CSMD2: variants seen among roughly 807,000 people sequenced by gnomAD.
CSMD2 encodes the protein CUB and Sushi multiple domains 2.
CSMD2 carries 130 observed loss-of-function variants against 398.5 expected under a neutral mutation model. The observed-to-expected ratio is 0.33, with a 90% confidence interval of 0.28 to 0.38. The LOEUF is 0.38. Ranked by LOEUF, CSMD2 falls within the 10% of genes least tolerant of loss-of-function variation. The pLI, the probability that CSMD2 is intolerant of heterozygous loss-of-function variation, is 1.00. For synonymous variants in CSMD2, 1,828 were observed against 1,908.5 expected, an observed-to-expected ratio of 0.96 and a Z score of 1.10; for missense variants, 3,829 against 4,764.9, an observed-to-expected ratio of 0.80 and a Z score of 5.78.
intron 7 of CSMD2, among the ~76,000 whole-genome samples, chr1:33,823,899 C>T (rs980721461): frequency 5.3e-5 from 8 of 152,090 alleles, no homozygotes; most frequent in Non-Finnish European, 1.0e-4. Context: ...TCTTCTTAGT[C>T]GGCTTAATGA....
chr1:33,585,750 A>G (rs11580917), intron 46 of CSMD2, among the ~76,000 whole-genome samples: 33,343 of 152,134 alleles, frequency 0.22, 4,658 homozygotes, highest in Non-Finnish European at 0.3. Flanking sequence ...GGAAAGGCTG[A>G]CCTGTTTCCC....
rs555434531 is a variant in CSMD2 at position 34,066,203 on chromosome 1, T to C, written c.404+22774A>G. 2.0e-5 allele frequency among the ~76,000 whole-genome samples: 3 copies of C among 152,340 alleles called. No homozygotes were observed. The South Asian group carries it at 6.2e-4, about 32-fold the overall frequency. On this transcript the variant is annotated intron_variant, in intron 2 of 70. Coordinates refer to ENST00000373381, the MANE Select transcript of CSMD2 (RefSeq NM_001281956.2). ...GGATGTGTTATATGTACGAGTGTTT[T>C]TTATGCAGACACATACACACAGCAC...
chr1:33,997,667 G>A (rs1439282895), intron 3 of CSMD2, among the ~76,000 whole-genome samples: 1 of 152,146 alleles, frequency 6.6e-6, no homozygotes, highest in East Asian at 1.9e-4. Flanking sequence ...GCTCATTTGA[G>A]TAATAAAAAT....
intron 15 of CSMD2, among the ~76,000 whole-genome samples, chr1:33,735,256 C>T (rs1646848188): frequency 6.6e-6 from 1 of 152,190 alleles, no homozygotes; most frequent in Non-Finnish European, 1.5e-5. Context: ...GTGACTTAAC[C>T]TGTCTGTGTC....
Position 33,514,312 on chromosome 1 carries a change from C to CTT in CSMD2, c.*2310_*2311dup, listed in dbSNP as rs199504489. 7.1e-3 allele frequency: 1,045 copies of CTT among 146,212 alleles called. 17 individuals carry two copies. Among genetic ancestry groups the CTT allele is most frequent in the African/African-American group, 0.026 (1,009 of 39,498 alleles). 9.1% of individuals were successfully genotyped at this position (146,212 alleles called of 1,614,324 possible). ...TTTTTCTTTTTTGGTACTGTACAAA[C>CTT]TTTGTATAATAAAAATATATCTCTG... On this transcript the variant is annotated 3_prime_UTR_variant, in exon 71 of 71. Coordinates refer to ENST00000373381, the MANE Select transcript of CSMD2 (RefSeq NM_001281956.2).
rs1642802591 is a variant in CSMD2, at chr1:33,636,363, T to C, written c.4966A>G (p.Thr1656Ala). 3 of 1,603,496 alleles carry C rather than the reference T, an allele frequency of 1.9e-6. No individual in the cohort carries two copies. Among genetic ancestry groups the C allele is most frequent in the Admixed American group, 1.7e-5 (1 of 58,170 alleles). ...PVWNNPRPVC[T>A]APCGGQYVGS... ...GCCATCCCCAGGCTTCCACCACCTG[T>C]GCAGACTGGCCGGGGATTGTTCCAC... The change falls in exon 30 of 71, where the codon ACA becomes GCA. Residue 1656 changes from threonine to alanine, a missense_variant. Coordinates refer to ENST00000373381, the MANE Select transcript of CSMD2 (RefSeq NM_001281956.2). This position sits in a 1 kb window ranked among gnomAD's most constrained non-coding sequence, Gnocchi z 4.8.
At position 33,942,973 on chromosome 1, in the gene CSMD2, C is replaced by T. The variant is rs139413161; in HGVS notation, c.518-7019G>A. ...CCAACTCTGATCTTCTCACTGCTGG[C>T]CTTGCCCTCTCCAGTGCATTGTCCT... On this transcript the variant is annotated intron_variant, in intron 3 of 70. Coordinates refer to ENST00000373381, the MANE Select transcript of CSMD2 (RefSeq NM_001281956.2). Among the ~76,000 whole-genome samples the T allele has an allele frequency of 2.3e-3, 352 of 152,288 alleles. 1 individual carries two copies. The highest frequency in any genetic ancestry group is 6.7e-3 in the African/African-American group (280 of 41,556).
At position 33,541,144 on chromosome 1, in the gene CSMD2, T is replaced by C; in HGVS notation, c.9443A>G (p.Lys3148Arg). 2 of 1,614,142 alleles carry C rather than the reference T, an allele frequency of 1.2e-6. No individual in the cohort carries two copies. Among genetic ancestry groups the C allele is most frequent in the Non-Finnish European group, 1.7e-6 (2 of 1,180,018 alleles). ...CTKDRTWNGT[K>R]PVCKALMCKP... is the part of the protein sequence containing the mutation. ...CCCAGACACACCTTTGCAGACGGGC[T>C]TGGTTCCATTCCATGTCCGGTCCTT... The change falls in exon 59 of 71, where the codon AAG (lysine) becomes AGG (arginine). Residue 3148 changes from lysine to arginine, a missense_variant. This residue lies in a region of CSMD2 where 917 missense variants were observed against 1,199.5 expected (regional missense o/e 0.76). Coordinates refer to ENST00000373381, the MANE Select transcript of CSMD2 (RefSeq NM_001281956.2).
intron 3 of CSMD2, among the ~76,000 whole-genome samples, chr1:33,964,222 TC>T (rs1451909759): frequency 6.9e-6 from 1 of 144,866 alleles, no homozygotes; most frequent in African/African-American, 2.4e-5. Context: ...CTCTACCACT[TC>T]CTAGATGTGG....
chr1:33,583,730 C>G lies in CSMD2; in HGVS notation c.7152G>C (p.Leu2384=). 6.2e-7 allele frequency: 1 copy of G among 1,614,220 alleles called. No individual in the cohort carries two copies. The highest frequency in any genetic ancestry group is 8.5e-7 in the Non-Finnish European group (1 of 1,180,034). ...TGTTATAGTCGGGCTCCACTCTCACCAGCCAAGAGCAGGTCTGGAACTGGG... is the reference window on the plus strand; with the variant it reads ...TGTTATAGTCGGGCTCCACTCTCACGAGCCAAGAGCAGGTCTGGAACTGGG... ...SYPQFQTCSW[L]VRVEPDYNIS... is the part of the protein sequence containing the mutation. Residue 2384 remains leucine, a synonymous_variant, in exon 47 of 71, where the codon CTG becomes CTC. Coordinates refer to ENST00000373381, the MANE Select transcript of CSMD2 (RefSeq NM_001281956.2).
At chr1:33,977,952 A>C (rs1646028498) in intron 3 of CSMD2, among the ~76,000 whole-genome samples, 1 of 149,402 alleles carries the variant, frequency 6.7e-6, no homozygotes, top group Non-Finnish European at 1.5e-5. Context: ...CACGATTCAC[A>C]ATGTGGGAAG....
intron 5 of CSMD2, among the ~76,000 whole-genome samples, chr1:33,850,224 C>A (rs994819706): frequency 3.3e-5 from 5 of 151,744 alleles, no homozygotes. Context: ...CCTGAGTGTG[C>A]ACGCACACAC....
chr1:33,602,454 G>GC lies in CSMD2; in HGVS notation c.6624dup (p.Leu2209AlafsTer65). 6.2e-7 allele frequency: 1 copy of GC among 1,614,014 alleles called. No homozygotes were observed. Among genetic ancestry groups the GC allele is most frequent in the Non-Finnish European group, 8.5e-7 (1 of 1,179,998 alleles). On this transcript the variant is annotated frameshift_variant, in exon 43 of 71. Coordinates refer to ENST00000373381, the MANE Select transcript of CSMD2 (RefSeq NM_001281956.2). LOFTEE classifies it high-confidence loss of function. Reference sequence around the variant, plus strand: ...CCATGGCCAATGGGCACGGTGATCAGCCAGACACAGTCCTGGGAGCTGGAG... The same window carrying GC: ...CCATGGCCAATGGGCACGGTGATCAGCCCAGACACAGTCCTGGGAGCTGGAG...
At chr1:33,824,982 C>T (rs1379931876) in intron 7 of CSMD2, among the ~76,000 whole-genome samples, 1 of 152,152 alleles carries the variant, frequency 6.6e-6, no homozygotes, top group Non-Finnish European at 1.5e-5. Context: ...GAACCTTCCC[C>T]AGCCCTTCCT....
At chr1:33,667,624 T>C (rs149144575) in intron 25 of CSMD2, among the ~76,000 whole-genome samples, 123 of 152,322 alleles carry the variant, frequency 8.1e-4, no homozygotes, top group African/African-American at 2.9e-3. Context: ...CAACAGTTTA[T>C]ATGTGAGTCA....
At chr1:33,938,001 GT>G (rs1644533005) in intron 3 of CSMD2, among the ~76,000 whole-genome samples, 1 of 152,240 alleles carries the variant, frequency 6.6e-6, no homozygotes, top group African/African-American at 2.4e-5. Flanking sequence ...TCATTAATTA[GT>G]TATTTGGAGA....
At chr1:34,161,035 G>A (rs1297117606) in intron 1 of CSMD2, among the ~76,000 whole-genome samples, 1 of 152,156 alleles carries the variant, frequency 6.6e-6, no homozygotes, top group Admixed American at 6.5e-5. Flanking sequence ...GCTCCTCAAG[G>A]AAAGTAGCTA....
At chr1:33,650,775 T>C (rs1048495156) in intron 28 of CSMD2, among the ~76,000 whole-genome samples, 7 of 152,166 alleles carry the variant, frequency 4.6e-5, no homozygotes, top group African/African-American at 1.2e-4. Flanking sequence ...TTTTGACACA[T>C]GCATATCAAG....
chr1:33,952,744 T>C (rs1043102524), intron 3 of CSMD2, among the ~76,000 whole-genome samples: 1 of 151,986 alleles, frequency 6.6e-6, no homozygotes, highest in African/African-American at 2.4e-5. Flanking sequence ...AACAGAGACC[T>C]TGTCTGACTT....
Sources: allele counts gnomAD v4.1 joint callset (sites outside exome capture counted in the v4.1 genomes callset), GRCh38; gene constraint gnomAD v4.1.1; regional missense constraint gnomAD v4.1.1; non-coding constraint Gnocchi (gnomAD v3.1); transcripts MANE v1.5; gene names NCBI Gene and HGNC (gene_info 2026-07-23, HGNC 2026-07-21).